The following GOLT1B variants were observed in gnomAD, a reference collection of about 807,000 sequenced individuals.
GOLT1B encodes golgi transport 1B, also known as vesicle transport protein GOT1B.
A neutral mutation model predicts 15.4 loss-of-function variants in GOLT1B; 3 were observed. That is an observed-to-expected ratio of 0.19 (90% CI 0.09 to 0.50). GOLT1B has a LOEUF of 0.50. Ranked by LOEUF, GOLT1B falls within the 20% of genes least tolerant of loss-of-function variation. GOLT1B has a pLI of 0.97. For missense variants in GOLT1B, 145 were observed against 160.4 expected, an observed-to-expected ratio of 0.90 and a Z score of 0.52; for synonymous variants, 65 against 56.2, an observed-to-expected ratio of 1.16 and a Z score of -0.70.
intron 3 of GOLT1B, among the ~76,000 whole-genome samples, chr12:21,511,637 C>A (rs1943720776): frequency 6.6e-6 from 1 of 152,158 alleles, no homozygotes; most frequent in South Asian, 2.1e-4. Flanking sequence ...AAGACATCAC[C>A]TTGTAGAGAC....
Position 21,508,526 on chromosome 12 carries a change from G to T in GOLT1B, c.261G>T (p.Met87Ile), listed in dbSNP as rs1267854104. The part of the protein sequence containing the change: ...VVLIGWPLIG[M>I]IFEIYGFFLL... ...TTATTGGTTGGCCTTTGATAGGCAT[G>T]ATCTTCGAAATTTATGGATTTTTTC... The change falls in exon 3 of 5, where the codon ATG (methionine) becomes ATT (isoleucine). Residue 87 changes from methionine to isoleucine, a missense_variant. By Grantham distance (10) the Met-to-Ile change is conservative. Coordinates refer to ENST00000229314, the MANE Select transcript of GOLT1B (RefSeq NM_016072.5). The T allele has an allele frequency of 2.5e-6, 4 of 1,585,758 alleles. No individual in the cohort carries two copies. Among genetic ancestry groups the T allele is most frequent in the Non-Finnish European group, 3.5e-6 (4 of 1,157,054 alleles).
At chr12:21,512,706 A>G (rs1943728668) in intron 4 of GOLT1B, among the ~76,000 whole-genome samples, 1 of 152,194 alleles carries the variant, frequency 6.6e-6, no homozygotes, top group African/African-American at 2.4e-5. Context: ...AGAAGCAATA[A>G]TGTAAAAAGG....
At position 21,508,482 on chromosome 12, in the gene GOLT1B, G is replaced by A; in HGVS notation, c.217G>A (p.Gly73Ser). ...HKMKATGFFL[G>S]GVFVVLIGWP... ...AATGAAAGCTACAGGTTTTTTTCTG[G>A]GTGGTGTATTTGTAGTCCTTATTGG... The change falls in exon 3 of 5, where the codon GGT (glycine) becomes AGT (serine). Residue 73 changes from glycine (G) to serine (S), a missense_variant. Physicochemically the swap from Gly to Ser is moderately conservative, Grantham distance 56. Coordinates refer to ENST00000229314, the MANE Select transcript of GOLT1B (RefSeq NM_016072.5). 1 of 1,587,058 alleles carries A rather than the reference G, an allele frequency of 6.3e-7. No individual in the cohort carries two copies. Among genetic ancestry groups the A allele is most frequent in the Admixed American group, 1.7e-5 (1 of 59,404 alleles).
chr12:21,507,720 T>C (rs756508050), intron 2 of GOLT1B, among the ~76,000 whole-genome samples: 21 of 152,140 alleles, frequency 1.4e-4, no homozygotes, highest in Non-Finnish European at 2.8e-4. Flanking sequence ...AGAATGTTAA[T>C]GGGGAGGGCA....
chr12:21,512,524 C>T, intron 4 of GOLT1B, 148 bp downstream of exon 4: 1 of 539,198 alleles, frequency 1.9e-6, no homozygotes. Flanking sequence ...CCATGAAGAC[C>T]AAAAAATAAT....
intron 1 of GOLT1B, among the ~76,000 whole-genome samples, chr12:21,506,036 C>G (rs1943676101): frequency 8.2e-6 from 1 of 122,606 alleles, no homozygotes; most frequent in African/African-American, 2.7e-5. Context: ...GACTTTAAAG[C>G]TTACACCTCG....
intron 4 of GOLT1B, chr12:21,515,168 T>C: frequency 1.3e-6 from 1 of 760,006 alleles, no homozygotes; most frequent in Non-Finnish European, 2.2e-6. Context: ...GAATACACAT[T>C]TAAAGTATTT....
At chr12:21,508,771 G>T (rs1301057844) in intron 3 of GOLT1B, among the ~76,000 whole-genome samples, 1 of 152,082 alleles carries the variant, frequency 6.6e-6, no homozygotes, top group Non-Finnish European at 1.5e-5. Flanking sequence ...ATCTTGTTTT[G>T]TCAGCACAAT....
chr12:21,502,737 C>T (rs1376774865), intron 1 of GOLT1B, among the ~76,000 whole-genome samples: 1 of 152,074 alleles, frequency 6.6e-6, no homozygotes. Flanking sequence ...TTTCCTACTG[C>T]TTTTTGTTAA....
intron 4 of GOLT1B, 98 bp from the exon 5 acceptor site, chr12:21,515,571 G>T: frequency 2.8e-6 from 2 of 712,916 alleles, no homozygotes; most frequent in South Asian, 3.3e-5. Context: ...AACTCTTCTT[G>T]TAAGGCTGGG....
At chr12:21,505,959 T>A (rs1029078689) in intron 1 of GOLT1B, among the ~76,000 whole-genome samples, 1 of 152,000 alleles carries the variant, frequency 6.6e-6, no homozygotes, top group Non-Finnish European at 1.5e-5. Flanking sequence ...CTTTTCATAC[T>A]AAAAAAATAA....
intron 4 of GOLT1B, among the ~76,000 whole-genome samples, chr12:21,513,566 G>C (rs1943735414): frequency 6.6e-6 from 1 of 151,876 alleles, no homozygotes; most frequent in African/African-American, 2.4e-5. Flanking sequence ...CCCCACCTCA[G>C]CCTCCCAAAG....
Position 21,515,110 on chromosome 12 carries a change from T to A in GOLT1B, c.379-559T>A, listed in dbSNP as rs781246782. 300 of 517,326 alleles carry A rather than the reference T, an allele frequency of 5.8e-4. 1 individual carries two copies. The highest frequency in any genetic ancestry group is 1.5e-3 in the Middle Eastern group (4 of 2,592). The allele number at this position is 517,326 out of a possible 1,614,324, so 32.0% of individuals were successfully genotyped here. ...CAATAATTATAAATTTATGCTTACA[T>A]CATTAAATCTATCTTTAATGTCATT... On this transcript the variant is annotated intron_variant, in intron 4 of 4. Coordinates refer to ENST00000229314, the MANE Select transcript of GOLT1B (RefSeq NM_016072.5).
Position 21,501,833 on chromosome 12 carries a change from C to G in GOLT1B, c.-91C>G. ...TTCCGGAAGACGTGGCGGCTCTCGC[C>G]TGGGCTGTTTCCCGGCTTCATTTCT... On this transcript the variant is annotated 5_prime_UTR_variant, in exon 1 of 5. Transcript: ENST00000229314. The G allele has an allele frequency of 6.7e-6, 6 of 895,648 alleles. No homozygotes were observed. Among genetic ancestry groups the G allele is most frequent in the Non-Finnish European group, 1.1e-5 (6 of 540,512 alleles). 55.5% of individuals were successfully genotyped at this position (895,648 alleles called of 1,614,324 possible). A position where few individuals can be genotyped will look rare whatever the true frequency, so the allele number is the denominator to read the frequency against.
intron 3 of GOLT1B, among the ~76,000 whole-genome samples, chr12:21,510,737 C>T (rs185966002): frequency 5.7e-4 from 87 of 152,318 alleles, no homozygotes; most frequent in Non-Finnish European, 5.7e-4. Context: ...GAAACACGCA[C>T]ATACACCATC....
chr12:21,513,744 G>A (rs919446896), intron 4 of GOLT1B, among the ~76,000 whole-genome samples: 9 of 152,066 alleles, frequency 5.9e-5, no homozygotes, highest in African/African-American at 1.9e-4. Flanking sequence ...TGTGTTAAGC[G>A]ATGCTCACAC....
chr12:21,506,965 G>A lies in GOLT1B; in HGVS notation c.106G>A (p.Ala36Thr). ...TCTCTTTTTTGACAAAGCACTACTG[G>A]CTATTGGAAATGTGAGTTTTTAAAT... ...MILFFDKALL[A>T]IGNVLFVAGL... The change falls in exon 2 of 5, where the codon GCT (alanine) becomes ACT (threonine). Residue 36 changes from alanine (A) to threonine (T), a missense_variant. Transcript: ENST00000229314. The A allele has an allele frequency of 7.5e-7, 1 of 1,332,830 alleles. No individual in the cohort carries two copies. The highest frequency in any genetic ancestry group is 1.1e-6 in the Non-Finnish European group (1 of 931,216). 82.6% of individuals were successfully genotyped at this position (1,332,830 alleles called of 1,614,324 possible).
chr12:21,505,021 G>C (rs995060914), intron 1 of GOLT1B, among the ~76,000 whole-genome samples: 3 of 152,122 alleles, frequency 2.0e-5, no homozygotes, highest in African/African-American at 7.2e-5. Flanking sequence ...ACCTTGGTTC[G>C]AATGCTTATC....
intron 3 of GOLT1B, among the ~76,000 whole-genome samples, chr12:21,512,009 C>G (rs1270805577): frequency 2.6e-5 from 4 of 152,294 alleles, no homozygotes; most frequent in Middle Eastern, 3.4e-3. Flanking sequence ...ATGGTCTCAA[C>G]AGCCCCTTTC....
Sources: allele counts gnomAD v4.1 joint callset (sites outside exome capture counted in the v4.1 genomes callset), GRCh38; gene constraint gnomAD v4.1.1; transcripts MANE v1.5; gene names NCBI Gene and HGNC (gene_info 2026-07-23, HGNC 2026-07-21).